The following PKNOX2 variants were observed in gnomAD, a reference collection of about 807,000 sequenced individuals.
The protein encoded by PKNOX2 is homeobox protein PKNOX2.
A neutral mutation model predicts 53.1 loss-of-function variants in PKNOX2; 14 were observed. The observed-to-expected ratio is 0.26, with a 90% CI of 0.17 to 0.41. PKNOX2 has a LOEUF of 0.41. Among genes scored for constraint, PKNOX2 ranks in the 10% least tolerant of loss-of-function variants. PKNOX2 has a pLI of 1.00. For missense variants in PKNOX2, 496 were observed against 602.8 expected, an observed-to-expected ratio of 0.82 and a Z score of 1.85; for synonymous variants, 257 against 242.8, an observed-to-expected ratio of 1.06 and a Z score of -0.54.
intron 6 of PKNOX2, among the ~76,000 whole-genome samples, chr11:125,393,345 C>G (rs1216679657): frequency 1.3e-5 from 2 of 152,134 alleles, no homozygotes; most frequent in African/African-American, 4.8e-5. Context: ...ACAGAAGGCA[C>G]TTTACATTAA....
chr11:125,415,967 C>T (rs1392380364), intron 10 of PKNOX2, among the ~76,000 whole-genome samples: 1 of 152,182 alleles, frequency 6.6e-6, no homozygotes, highest in Admixed American at 6.5e-5. Flanking sequence ...CTTGCATAAA[C>T]CTCTCCTATA....
intron 1 of PKNOX2, among the ~76,000 whole-genome samples, chr11:125,178,278 G>A (rs111741902): frequency 0.14 from 20,805 of 151,638 alleles, 2,748 homozygotes; most frequent in African/African-American, 0.34. Flanking sequence ...TTGGGAAGCC[G>A]AGGTAGGCAG....
chr11:125,167,456 G>T (rs956069040), intron 1 of PKNOX2, among the ~76,000 whole-genome samples: 1 of 152,280 alleles, frequency 6.6e-6, no homozygotes, highest in Non-Finnish European at 1.5e-5. Flanking sequence ...AGAGCCCGAG[G>T]GGGGAGGGAG....
intron 2 of PKNOX2, chr11:125,288,238 G>A (rs566917251): frequency 6.6e-6 from 1 of 152,364 alleles, no homozygotes; most frequent in Non-Finnish European, 1.5e-5. Flanking sequence ...TGCACCGTGT[G>A]AGGGTTCTCA....
At chr11:125,313,148 G>A (rs1948932598) in intron 2 of PKNOX2, among the ~76,000 whole-genome samples, 1 of 152,178 alleles carries the variant, frequency 6.6e-6, no homozygotes, top group Non-Finnish European at 1.5e-5. Flanking sequence ...GAAGGTGAAA[G>A]AAGGGAGAAA....
In PKNOX2 at chr11:125,433,162, G is replaced by A. The variant is rs1044546097; in HGVS notation, c.*1770G>A. Reference sequence around the variant, plus strand: ...TGGGATAAAATGCATTTCCTTTTCTGGTTCGTTTTTCTTGTTAACACGCGC... The same window carrying A: ...TGGGATAAAATGCATTTCCTTTTCTAGTTCGTTTTTCTTGTTAACACGCGC... On this transcript the variant is annotated 3_prime_UTR_variant, in exon 13 of 13. Transcript: ENST00000298282. 1 of 152,570 alleles carries A rather than the reference G, an allele frequency of 6.6e-6. No homozygotes were observed. Among genetic ancestry groups the A allele is most frequent in the Non-Finnish European group, 1.5e-5 (1 of 68,048 alleles). 9.5% of individuals were successfully genotyped at this position (152,570 alleles called of 1,614,324 possible). A position where few individuals can be genotyped will look rare whatever the true frequency, so the allele number is the denominator to read the frequency against.
At chr11:125,350,620 C>G (rs576421070) in intron 3 of PKNOX2, among the ~76,000 whole-genome samples, 26 of 152,288 alleles carry the variant, frequency 1.7e-4, no homozygotes, top group Admixed American at 5.9e-4. Flanking sequence ...GTCACAAGCC[C>G]GAGTCTGGGA....
intron 10 of PKNOX2, among the ~76,000 whole-genome samples, chr11:125,428,582 G>A (rs922363779): frequency 2.0e-5 from 3 of 152,202 alleles, no homozygotes; most frequent in African/African-American, 4.8e-5. Flanking sequence ...GTAAATAGCA[G>A]TTAACTTAAA....
At chr11:125,194,822 C>A (rs530205783) in intron 1 of PKNOX2, among the ~76,000 whole-genome samples, 1 of 152,180 alleles carries the variant, frequency 6.6e-6, no homozygotes, top group Non-Finnish European at 1.5e-5. Context: ...TGCCAGGCTG[C>A]AGGCAAGGTG....
chr11:125,265,230 T>A (rs1432988951), intron 2 of PKNOX2, among the ~76,000 whole-genome samples: 1 of 150,450 alleles, frequency 6.6e-6, no homozygotes, highest in Non-Finnish European at 1.5e-5. Context: ...GAGCTTGCAG[T>A]GGGCCGAGAT....
chr11:125,292,133 T>C (rs888079869), intron 2 of PKNOX2, among the ~76,000 whole-genome samples: 29 of 152,346 alleles, frequency 1.9e-4, no homozygotes, highest in African/African-American at 7.0e-4. Context: ...CTACCCATCA[T>C]ACTTCATCTA....
chr11:125,332,456 A>C (rs1354213108), intron 3 of PKNOX2, among the ~76,000 whole-genome samples: 2 of 152,186 alleles, frequency 1.3e-5, no homozygotes, highest in African/African-American at 4.8e-5. Flanking sequence ...GTTCTTTTGA[A>C]TGTATAAAGC....
chr11:125,386,988 A>G (rs1333011804), intron 6 of PKNOX2, among the ~76,000 whole-genome samples: 3 of 152,190 alleles, frequency 2.0e-5, no homozygotes, highest in Non-Finnish European at 4.4e-5. Context: ...CAGTGAAGGC[A>G]TCCGAGAGCC....
At chr11:125,257,988 C>G (rs1944543102) in intron 2 of PKNOX2, among the ~76,000 whole-genome samples, 1 of 152,174 alleles carries the variant, frequency 6.6e-6, no homozygotes, top group Non-Finnish European at 1.5e-5. Flanking sequence ...GGCACCTGAG[C>G]TTGCAGAAAG....
At chr11:125,214,710 G>A (rs1015304657) in intron 1 of PKNOX2, among the ~76,000 whole-genome samples, 2 of 152,094 alleles carry the variant, frequency 1.3e-5, no homozygotes, top group Non-Finnish European at 2.9e-5. Flanking sequence ...AGGGGATGGG[G>A]TGCAGCCTCT....
intron 5 of PKNOX2, among the ~76,000 whole-genome samples, chr11:125,384,397 A>T (rs1348224034): frequency 1.3e-5 from 2 of 152,218 alleles, no homozygotes; most frequent in Non-Finnish European, 1.5e-5. Flanking sequence ...GATAAAATCC[A>T]TAGAGCCAGG....
At chr11:125,361,489 T>C (rs957709864) in intron 4 of PKNOX2, among the ~76,000 whole-genome samples, 4 of 152,222 alleles carry the variant, frequency 2.6e-5, no homozygotes, top group Admixed American at 1.3e-4. Context: ...CAAAACTAGT[T>C]CTATCTGAAA....
At chr11:125,339,091 C>G (rs1289664746) in intron 3 of PKNOX2, among the ~76,000 whole-genome samples, 10 of 152,174 alleles carry the variant, frequency 6.6e-5, no homozygotes, top group Admixed American at 2.0e-4. Flanking sequence ...CTCTTAGGAG[C>G]CAGAAAACCA....
chr11:125,404,706 C>T (rs1954968940), intron 7 of PKNOX2, among the ~76,000 whole-genome samples: 1 of 152,164 alleles, frequency 6.6e-6, no homozygotes, highest in Non-Finnish European at 1.5e-5. Flanking sequence ...ACATGTATCT[C>T]GCATGTACCA....
Sources: gnomAD v4.1 joint callset for allele counts (sites outside exome capture counted in the v4.1 genomes callset) on GRCh38, gnomAD v4.1.1 for gene constraint, MANE v1.5 for transcripts, NCBI Gene and HGNC (gene_info 2026-07-23, HGNC 2026-07-21) for gene names.